AFP: variants seen among roughly 807,000 people sequenced by gnomAD.
AFP encodes alpha fetoprotein, also known as alpha-fetoprotein.
In AFP, 64 loss-of-function variants were observed where a neutral mutation model predicts 78.9. The ratio of observed to expected loss-of-function variants is 0.81; its 90% confidence interval spans 0.66 to 1.00. AFP has a LOEUF of 1.00. AFP is among the 50% of genes least tolerant of loss of function. The probability of loss-of-function intolerance (pLI) is 0.00; values close to 1 mark genes in which losing one functional copy is unlikely to be tolerated. For synonymous variants in AFP, 254 were observed against 243.8 expected, an observed-to-expected ratio of 1.04 and a Z score of -0.39; for missense variants, 689 against 703.8, an observed-to-expected ratio of 0.98 and a Z score of 0.24.
intron 9 of AFP, 84 bp downstream of exon 9, chr4:73,449,551 A>C: frequency 6.7e-7 from 1 of 1,491,474 alleles, no homozygotes; most frequent in East Asian, 2.3e-5. Context: ...GAAAGCCTCT[A>C]GTTTTCAACT....
At chr4:73,449,961 T>A in intron 9 of AFP, 75 bp from the exon 10 acceptor site, 20 of 912,880 alleles carry the variant, frequency 2.2e-5, no homozygotes, top group Non-Finnish European at 3.1e-5. Flanking sequence ...TAGTATATAA[T>A]ATTGATCAAT....
At chr4:73,453,950 T>G in intron 13 of AFP, 53 bp downstream of exon 13, 1 of 1,607,126 alleles carries the variant, frequency 6.2e-7, no homozygotes, top group South Asian at 1.1e-5. Context: ...TTTTCTGTAG[T>G]GGATAATGAA....
At chr4:73,448,466 C>G (rs1328758399) in intron 8 of AFP, among the ~76,000 whole-genome samples, 1 of 152,034 alleles carries the variant, frequency 6.6e-6, no homozygotes, top group Non-Finnish European at 1.5e-5. Flanking sequence ...TTAATATTGC[C>G]TGAAGATATT....
At position 73,440,632 on chromosome 4, in the gene AFP, G is replaced by A; in HGVS notation, c.301G>A (p.Glu101Lys). 3 of 1,614,134 alleles carry A rather than the reference G, an allele frequency of 1.9e-6. No homozygotes were observed. Among genetic ancestry groups the A allele is most frequent in the Non-Finnish European group, 2.5e-6 (3 of 1,180,012 alleles). Reference sequence around the variant, plus strand: ...TGCCTTTCTGGAAGAACTTTGCCATGAGAAAGAAATTTTGGAGAAGTACGG... The same window carrying A: ...TGCCTTTCTGGAAGAACTTTGCCATAAGAAAGAAATTTTGGAGAAGTACGG... ...LPAFLEELCH[E>K]KEILEKYGHS... is the part of the protein sequence containing the mutation. The change falls in exon 4 of 15, where the codon GAG (glutamate) becomes AAG (lysine). Residue 101 changes from glutamate to lysine, a missense_variant. Glu to Lys is a moderately conservative substitution (Grantham distance 56). Transcript: ENST00000395792.
intron 1 of AFP, among the ~76,000 whole-genome samples, chr4:73,436,613 T>C (rs1463710191): frequency 6.6e-6 from 1 of 151,578 alleles, no homozygotes; most frequent in Non-Finnish European, 1.5e-5. Flanking sequence ...ATATTAACTT[T>C]GAAAAATTAT....
chr4:73,443,214 T>C (rs1719720624), intron 5 of AFP, 133 bp from the exon 6 acceptor site: 1 of 751,432 alleles, frequency 1.3e-6, no homozygotes, highest in Non-Finnish European at 2.3e-6. Context: ...ATGTATGACA[T>C]TTATAATTTT....
chr4:73,439,334 C>T (rs540378413), intron 3 of AFP, among the ~76,000 whole-genome samples: 30 of 152,134 alleles, frequency 2.0e-4, no homozygotes, highest in African/African-American at 7.2e-4. Context: ...AAGAGATGCT[C>T]CTTTAAGGAT....
intron 2 of AFP, among the ~76,000 whole-genome samples, chr4:73,437,453 A>C (rs888064866): frequency 2.6e-5 from 4 of 152,052 alleles, no homozygotes; most frequent in Non-Finnish European, 5.9e-5. Flanking sequence ...CAGATTTTAG[A>C]AACTGAAGAT....
intron 13 of AFP, 22 bp from the exon 14 acceptor site, chr4:73,455,214 T>G: frequency 6.3e-7 from 1 of 1,583,722 alleles, no homozygotes. Context: ...TTTATCTGAT[T>G]ATGTTTATTC....
At position 73,455,932 on chromosome 4, in the gene AFP, C is replaced by T. The variant is rs941161340; in HGVS notation, c.*312C>T. On this transcript the variant is annotated 3_prime_UTR_variant, in exon 15 of 15. Coordinates refer to ENST00000395792, the MANE Select transcript of AFP (RefSeq NM_001134.3). Reference sequence around the variant, plus strand: ...AGGATGGATTTACAGCACTAGATCACTTGGTGAACTGAAAAATGTTCCCAA... The same window carrying T: ...AGGATGGATTTACAGCACTAGATCATTTGGTGAACTGAAAAATGTTCCCAA... The T allele has an allele frequency of 3.3e-5, 12 of 366,188 alleles. No individual in the cohort carries two copies. Among genetic ancestry groups the T allele is most frequent in the Non-Finnish European group, 5.8e-5 (12 of 205,844 alleles). The allele number at this position is 366,188 out of a possible 1,614,324, so 22.7% of individuals were successfully genotyped here.
intron 4 of AFP, among the ~76,000 whole-genome samples, chr4:73,441,401 C>T (rs908360840): frequency 5.3e-5 from 8 of 151,290 alleles, no homozygotes; most frequent in Non-Finnish European, 1.2e-4. Context: ...CCCGTCTCTA[C>T]TAAAAATACA....
At chr4:73,443,948 A>G (rs1180064803) in intron 6 of AFP, among the ~76,000 whole-genome samples, 3 of 152,306 alleles carry the variant, frequency 2.0e-5, no homozygotes, top group Non-Finnish European at 4.4e-5. Context: ...AGGAGAAAAG[A>G]ACATTTTAAA....
chr4:73,438,890 T>A (rs934798201), intron 3 of AFP, among the ~76,000 whole-genome samples: 8 of 152,134 alleles, frequency 5.3e-5, no homozygotes, highest in African/African-American at 1.9e-4. Context: ...TAGATGCTAA[T>A]CTTCCAACTG....
chr4:73,451,272 G>A (rs1456160801), intron 11 of AFP, among the ~76,000 whole-genome samples: 1 of 152,132 alleles, frequency 6.6e-6, no homozygotes, highest in African/African-American at 2.4e-5. Flanking sequence ...TAAGTATTAT[G>A]TTCTGAATAG....
intron 6 of AFP, 67 bp from the exon 7 acceptor site, chr4:73,444,926 C>G (rs1577954885): frequency 7.3e-7 from 1 of 1,370,536 alleles, no homozygotes; most frequent in Non-Finnish European, 1.0e-6. Flanking sequence ...TAGTAATACT[C>G]TATAAATTCT....
chr4:73,451,237 G>A lies in AFP; in HGVS notation c.1428+484G>A, dbSNP rs544604562. On this transcript the variant is annotated intron_variant, in intron 11 of 14. Coordinates refer to ENST00000395792, the MANE Select transcript of AFP (RefSeq NM_001134.3). Reference sequence around the variant, plus strand: ...CATCAGGAATAATTGGTTCCCTTTCGCAGGGTATAGGGTACAGCACAGGAT... The same window carrying A: ...CATCAGGAATAATTGGTTCCCTTTCACAGGGTATAGGGTACAGCACAGGAT... 2.9e-4 allele frequency among the ~76,000 whole-genome samples: 44 copies of A among 152,080 alleles called. No individual in the cohort carries two copies. The South Asian group carries it at 7.9e-3, about 27-fold the overall frequency.
At chr4:73,453,531 G>T in intron 12 of AFP, 1 of 504,614 alleles carries the variant, frequency 2.0e-6, no homozygotes, top group South Asian at 2.1e-5. Context: ...GTATGGTCAA[G>T]TATGAAATAG....
rs752338948 is a variant in AFP, at chr4:73,436,320, A to G, written c.58A>G (p.Thr20Ala). The change falls in exon 1 of 15, where the codon ACA (threonine) becomes GCA (alanine). Residue 20 changes from threonine (T) to alanine (A), a missense_variant. Physicochemically the swap from Thr to Ala is moderately conservative, Grantham distance 58. Transcript: ENST00000395792. Reference protein sequence around the residue: ...IFLLNFTESRTLHRNEYGIAS... With the variant: ...IFLLNFTESRALHRNEYGIAS... Reference sequence around the variant, plus strand: ...CCTACTAAATTTTACTGAATCCAGAACACTGCATAGAAATGAATATGGAAT... The same window carrying G: ...CCTACTAAATTTTACTGAATCCAGAGCACTGCATAGAAATGAATATGGAAT... 3 of 1,599,278 alleles carry G rather than the reference A, an allele frequency of 1.9e-6. No homozygotes were observed. The highest frequency in any genetic ancestry group is 2.2e-5 in the South Asian group (2 of 89,674).
intron 13 of AFP, among the ~76,000 whole-genome samples, chr4:73,454,551 T>C (rs1449577085): frequency 6.6e-6 from 1 of 152,198 alleles, no homozygotes; most frequent in African/African-American, 2.4e-5. Flanking sequence ...ATCAAGATAA[T>C]TGGCTAAATT....
Sources: allele counts gnomAD v4.1 joint callset (sites outside exome capture counted in the v4.1 genomes callset), GRCh38; gene constraint gnomAD v4.1.1; transcripts MANE v1.5; gene names NCBI Gene and HGNC (gene_info 2026-07-23, HGNC 2026-07-21).